The following STK31 variants were observed in gnomAD, a reference collection of about 807,000 sequenced individuals.
The protein encoded by STK31 is serine/threonine-protein kinase 31.
A neutral mutation model predicts 129.7 loss-of-function variants in STK31; 89 were observed. That is an observed-to-expected ratio of 0.69 (90% CI 0.58 to 0.82). STK31 has a LOEUF of 0.82. Among genes scored for constraint, STK31 ranks in the 40% least tolerant of loss-of-function variants. The pLI is 0.00. For missense variants in STK31, 1,187 were observed against 1,176.4 expected (o/e 1.01, Z -0.13); for synonymous variants, 448 against 395.3 (o/e 1.13, Z -1.58).
chr7:23,737,467 C>T (rs190026401), intron 8 of STK31, among the ~76,000 whole-genome samples: 84 of 152,248 alleles, frequency 5.5e-4, no homozygotes, highest in Non-Finnish European at 1.0e-3. Context: ...TAGAAGAAGT[C>T]CCATTCATAT....
chr7:23,810,703 T>TATA (rs796578186), intron 22 of STK31, among the ~76,000 whole-genome samples: 16,228 of 73,118 alleles, frequency 0.22, 1,137 homozygotes, highest in East Asian at 0.29. Context: ...ATAAAATAGA[T>TATA]ATATATAAAA....
chr7:23,718,725 C>T (rs1786505493), intron 4 of STK31, among the ~76,000 whole-genome samples: 1 of 151,986 alleles, frequency 6.6e-6, no homozygotes, highest in African/African-American at 2.4e-5. Context: ...AAATATAACA[C>T]AATTTATCGA....
intron 23 of STK31, among the ~76,000 whole-genome samples, chr7:23,824,712 C>G (rs1794010964): frequency 6.6e-6 from 1 of 152,146 alleles, no homozygotes; most frequent in Admixed American, 6.6e-5. Context: ...TTTGTACATT[C>G]AGTATGATAT....
rs1786819162 is a variant in STK31, at chr7:23,723,015, T to C, written c.250-4226T>C. 3 of 152,280 alleles carry C rather than the reference T, an allele frequency of 2.0e-5. No homozygotes were observed. In the South Asian group the frequency reaches 6.2e-4, roughly 31 times the overall value. The allele number at this position is 152,280 out of a possible 1,614,324, so 9.4% of individuals were successfully genotyped here. On this transcript the variant is annotated intron_variant, in intron 4 of 23. Transcript: ENST00000355870. ...TTCCCTTTGCTAGGAAAGGGAATTC[T>C]CTGACCCCTTGCACTTCCTGGGTGA...
At chr7:23,815,309 C>A in intron 23 of STK31, 97 bp downstream of exon 23, 8 of 857,856 alleles carry the variant, frequency 9.3e-6, no homozygotes, top group Non-Finnish European at 1.0e-5. Flanking sequence ...TTCTAAGAAT[C>A]CAAATTAACA....
In STK31 at chr7:23,799,194, A is replaced by G. The variant is rs140856139; in HGVS notation, c.2760+8248A>G. Among the ~76,000 whole-genome samples the G allele has an allele frequency of 3.1e-3, 470 of 152,334 alleles. 2 individuals are homozygous for G. The highest frequency in any genetic ancestry group is 5.4e-3 in the Non-Finnish European group (366 of 68,034). ...CAAAGTAATATGTAGATTCAGTGCT[A>G]TCCCCATCAAGCCACCATTAACTTT... On this transcript the variant is annotated intron_variant, in intron 22 of 23. Transcript: ENST00000355870.
At chr7:23,782,472 A>C (rs1396328473) in intron 16 of STK31, among the ~76,000 whole-genome samples, 1 of 31,866 alleles carries the variant, frequency 3.1e-5, no homozygotes, top group Admixed American at 3.8e-4. Flanking sequence ...ACCCTGTCTC[A>C]AAAAAAAAAA....
intron 17 of STK31, among the ~76,000 whole-genome samples, chr7:23,784,828 A>G (rs1791165678): frequency 6.6e-6 from 1 of 152,204 alleles, no homozygotes. Flanking sequence ...AATATCTAGT[A>G]AAATTAGTTA....
In STK31 at chr7:23,730,872, A is replaced by T. The variant is rs1309794572; in HGVS notation, c.483+1623A>T. Among the ~76,000 whole-genome samples, 347 of 56,000 alleles carry T rather than the reference A, an allele frequency of 6.2e-3. 10 individuals are homozygous for T. Among genetic ancestry groups the T allele is most frequent in the Admixed American group, 0.044 (144 of 3,256 alleles). 36.7% of individuals were successfully genotyped at this position (56,000 alleles called of 152,430 possible). On this transcript the variant is annotated intron_variant, in intron 6 of 23. Coordinates refer to ENST00000355870, the MANE Select transcript of STK31 (RefSeq NM_031414.5). ...TATAAACATTTATATATATATATAT[A>T]TATATATTTTTTTTTTTTTTTTTTG...
intron 22 of STK31, among the ~76,000 whole-genome samples, chr7:23,808,970 T>C (rs10269867): frequency 1.2e-3 from 167 of 139,534 alleles, no homozygotes; most frequent in South Asian, 3.8e-3. Context: ...TGTGTGTGTG[T>C]GCCTGTGTCT....
At chr7:23,815,001 C>G (rs1793383573) in intron 22 of STK31, 143 bp from the exon 23 acceptor site, 1 of 550,066 alleles carries the variant, frequency 1.8e-6, no homozygotes, top group East Asian at 3.3e-5. Flanking sequence ...AATGAAAGTG[C>G]TTTTACCCTG....
chr7:23,755,781 G>T (rs1054160950), intron 10 of STK31, among the ~76,000 whole-genome samples: 6 of 152,090 alleles, frequency 3.9e-5, no homozygotes, highest in African/African-American at 1.4e-4. Context: ...GTTTTTGTCA[G>T]GTTTGTCGAA....
Position 23,788,007 on chromosome 7 carries a change from GC to G in STK31, c.2518del (p.Gln840ArgfsTer11). On this transcript the variant is annotated frameshift_variant, in exon 21 of 24. Transcript: ENST00000355870. LOFTEE classifies it high-confidence loss of function. ...EETLKVMKGV[A>X]QGLHTLHKAD... ...AACTTTAAAGGTCATGAAAGGTGTTGCCCAGGGTCTGCATACATTGCATAAG... is the reference window on the plus strand; with the variant it reads ...AACTTTAAAGGTCATGAAAGGTGTTGCCAGGGTCTGCATACATTGCATAAG... 6.3e-7 allele frequency: 1 copy of G among 1,587,834 alleles called. No individual in the cohort carries two copies. The highest frequency in any genetic ancestry group is 8.6e-7 in the Non-Finnish European group (1 of 1,167,350).
At chr7:23,730,888 T>A (rs1202225338) in intron 6 of STK31, among the ~76,000 whole-genome samples, 6 of 81,240 alleles carry the variant, frequency 7.4e-5, no homozygotes, top group African/African-American at 1.2e-4. Context: ...ATTTTTTTTT[T>A]TTTTTTTTGG....
At chr7:23,799,976 A>G (rs559047747) in intron 22 of STK31, among the ~76,000 whole-genome samples, 1 of 152,380 alleles carries the variant, frequency 6.6e-6, no homozygotes, top group South Asian at 2.1e-4. Context: ...CAACAAGCAT[A>G]TGAAAAAAGC....
At chr7:23,822,440 A>T (rs931203769) in intron 23 of STK31, among the ~76,000 whole-genome samples, 2 of 151,930 alleles carry the variant, frequency 1.3e-5, no homozygotes, top group Admixed American at 1.3e-4. Flanking sequence ...TAGCTAGTTC[A>T]TTATTGGTTT....
At chr7:23,828,262 A>G (rs1277654528) in intron 23 of STK31, among the ~76,000 whole-genome samples, 1 of 152,128 alleles carries the variant, frequency 6.6e-6, no homozygotes, top group African/African-American at 2.4e-5. Context: ...CTTCCCAGCC[A>G]CTTTGTTTAC....
chr7:23,750,745 T>C (rs1788661560), intron 8 of STK31, among the ~76,000 whole-genome samples: 1 of 152,230 alleles, frequency 6.6e-6, no homozygotes, highest in Non-Finnish European at 1.5e-5. Context: ...TTTTATTTTT[T>C]TCTTGGTACA....
At chr7:23,769,218 G>A in intron 12 of STK31, 44 bp downstream of exon 12, 1 of 1,455,538 alleles carries the variant, frequency 6.9e-7, no homozygotes, top group Non-Finnish European at 9.1e-7. Flanking sequence ...CATAAACCAG[G>A]GAATATATAT....
Sources: allele counts gnomAD v4.1 joint callset (sites outside exome capture counted in the v4.1 genomes callset), GRCh38; gene constraint gnomAD v4.1.1; transcripts MANE v1.5; gene names NCBI Gene and HGNC (gene_info 2026-07-23, HGNC 2026-07-21).